PREX1: variants seen among roughly 807,000 people sequenced by gnomAD.
PREX1 encodes the protein phosphatidylinositol-3,4,5-trisphosphate dependent Rac exchange factor 1, also known as phosphatidylinositol 3,4,5-trisphosphate-dependent Rac exchanger 1 protein.
PREX1 carries 41 observed loss-of-function variants against 198.3 expected under a neutral mutation model. That is an observed-to-expected ratio of 0.21 (90% CI 0.16 to 0.27). PREX1 has a LOEUF of 0.27. Among genes scored for constraint, PREX1 ranks in the 10% least tolerant of loss-of-function variants. The probability of loss-of-function intolerance (pLI) is 1.00; values close to 1 mark genes in which losing one functional copy is unlikely to be tolerated. For synonymous variants in PREX1, 843 were observed against 887.2 expected (o/e 0.95, Z 0.89); for missense variants, 1,620 against 2,200.7 (o/e 0.74, Z 5.28).
chr20:48,645,812 A>G (rs1384832793), intron 26 of PREX1, 39 bp downstream of exon 26: 2 of 1,605,392 alleles, frequency 1.2e-6, no homozygotes, highest in East Asian at 2.2e-5. Context: ...GTCCAGGGCC[A>G]TCCTCATCTA....
At chr20:48,766,618 C>A (rs2090209340) in intron 1 of PREX1, among the ~76,000 whole-genome samples, 1 of 152,352 alleles carries the variant, frequency 6.6e-6, no homozygotes, top group South Asian at 2.1e-4. Flanking sequence ...TCCCTGCCCT[C>A]CCCAGTGAGA....
chr20:48,708,117 T>C (rs2089912215), intron 6 of PREX1, 143 bp downstream of exon 6: 3 of 917,642 alleles, frequency 3.3e-6, no homozygotes, highest in Non-Finnish European at 4.7e-6. Flanking sequence ...AATTGAAAAA[T>C]AATTAAGCAA....
intron 25 of PREX1, among the ~76,000 whole-genome samples, chr20:48,647,348 C>A (rs554862543): frequency 6.6e-6 from 1 of 151,320 alleles, no homozygotes; most frequent in Admixed American, 6.6e-5. Context: ...TGGTGAAACC[C>A]CATCTCTACT....
intron 3 of PREX1, among the ~76,000 whole-genome samples, chr20:48,741,908 G>A (rs796859150): frequency 3.3e-5 from 5 of 152,322 alleles, no homozygotes; most frequent in African/African-American, 1.2e-4. Context: ...TAGAGCCAGG[G>A]GAGCAAGTTC....
intron 1 of PREX1, among the ~76,000 whole-genome samples, chr20:48,751,928 C>T (rs182547266): frequency 6.6e-6 from 1 of 152,304 alleles, no homozygotes; most frequent in East Asian, 1.9e-4. Context: ...CTTAATACTA[C>T]ACCGAATTTG....
chr20:48,656,629 C>T (rs1029634524), intron 18 of PREX1: 15 of 444,446 alleles, frequency 3.4e-5, no homozygotes, highest in Non-Finnish European at 5.4e-5. Flanking sequence ...GTCTTCACCC[C>T]GACTCGCAGT....
intron 14 of PREX1, among the ~76,000 whole-genome samples, chr20:48,675,905 C>T (rs1311252008): frequency 1.3e-5 from 2 of 152,016 alleles, no homozygotes; most frequent in Admixed American, 6.6e-5. Context: ...GGTGTGGTGG[C>T]GTGCGCCTGT....
At chr20:48,743,987 TTAGTGA>T (rs2090095009) in intron 3 of PREX1, among the ~76,000 whole-genome samples, 1 of 143,116 alleles carries the variant, frequency 7.0e-6, no homozygotes, top group Non-Finnish European at 1.5e-5. Context: ...GAGAAGTGAG[TTAGTGA>T]TGATGATGAT....
the PREX1 span, among the ~76,000 whole-genome samples, chr20:48,881,294 A>G: frequency 1.3e-5 from 2 of 152,150 alleles, no homozygotes; most frequent in African/African-American, 2.4e-5. Context: ...TAAAAAAAGA[A>G]TTTAAACCCA....
At chr20:48,791,915 T>C (rs566733536) in intron 1 of PREX1, among the ~76,000 whole-genome samples, 7 of 152,326 alleles carry the variant, frequency 4.6e-5, no homozygotes, top group Non-Finnish European at 4.4e-5. Flanking sequence ...GATCTGGCAA[T>C]ACCGGGCTCG....
intron 1 of PREX1, among the ~76,000 whole-genome samples, chr20:48,802,263 C>A (rs1427757599): frequency 6.6e-6 from 1 of 152,080 alleles, no homozygotes; most frequent in African/African-American, 2.4e-5. Flanking sequence ...CTACCTCTTA[C>A]AATAAAAGCC....
the PREX1 span, among the ~76,000 whole-genome samples, chr20:48,849,888 T>A: frequency 6.6e-6 from 1 of 152,214 alleles, no homozygotes; most frequent in Admixed American, 6.5e-5. Context: ...GGGAGAAAGG[T>A]AGCATCAAAG....
In PREX1 at chr20:48,627,632, T is replaced by A. The variant is rs776880353; in HGVS notation, c.4870-17A>T. 1 of 1,606,874 alleles carries A rather than the reference T, an allele frequency of 6.2e-7. No individual in the cohort carries two copies. ...CCTTGGGCCCTGGAAGAAGGAACCA[T>A]CAGGCAGGGGCCTCTGCAGGTTCAG... On this transcript the variant is annotated splice_polypyrimidine_tract_variant and intron_variant, in intron 38 of 39. Coordinates refer to ENST00000371941, the MANE Select transcript of PREX1 (RefSeq NM_020820.4).
chr20:48,796,784 A>T (rs1173338643), intron 1 of PREX1, among the ~76,000 whole-genome samples: 1 of 150,556 alleles, frequency 6.6e-6, no homozygotes, highest in Non-Finnish European at 1.5e-5. Context: ...ATATACAGTT[A>T]TATACACATA....
intron 1 of PREX1, among the ~76,000 whole-genome samples, chr20:48,797,470 G>C (rs1014158143): frequency 2.0e-5 from 3 of 151,452 alleles, no homozygotes; most frequent in Non-Finnish European, 4.4e-5. Flanking sequence ...TCTCACTTCC[G>C]CATTTAATTG....
chr20:48,742,172 T>C (rs1352739994), intron 3 of PREX1, among the ~76,000 whole-genome samples: 3 of 152,124 alleles, frequency 2.0e-5, no homozygotes, highest in African/African-American at 7.2e-5. Flanking sequence ...GCAGGGGGGC[T>C]CATGATAGAT....
At chr20:48,713,604 G>A (rs551834304) in intron 5 of PREX1, among the ~76,000 whole-genome samples, 10 of 152,210 alleles carry the variant, frequency 6.6e-5, no homozygotes, top group Admixed American at 1.3e-4. Flanking sequence ...CAGACACAGT[G>A]ATGTGCACCT....
intron 1 of PREX1, 89 bp from the exon 2 acceptor site, chr20:48,747,969 A>T (rs2090117037): frequency 3.3e-6 from 4 of 1,222,774 alleles, no homozygotes; most frequent in Non-Finnish European, 4.7e-6. Flanking sequence ...TTCAAATGCC[A>T]ACTAGGATCT....
intron 3 of PREX1, among the ~76,000 whole-genome samples, chr20:48,740,668 C>T (rs1191011943): frequency 1.3e-5 from 2 of 152,224 alleles, no homozygotes; most frequent in Non-Finnish European, 2.9e-5. Flanking sequence ...ACTGACTCAA[C>T]CTATCCTCCG....
Sources: allele counts gnomAD v4.1 joint callset (sites outside exome capture counted in the v4.1 genomes callset), GRCh38; gene constraint gnomAD v4.1.1; transcripts MANE v1.5; gene names NCBI Gene and HGNC (gene_info 2026-07-23, HGNC 2026-07-21).